The following RNLS variants were observed in gnomAD, a reference collection of about 807,000 sequenced individuals.
The protein encoded by RNLS is renalase, FAD dependent amine oxidase.
A neutral mutation model predicts 39.8 loss-of-function variants in RNLS; 39 were observed. The ratio of observed to expected loss-of-function variants is 0.98; its 90% CI spans 0.76 to 1.28. The LOEUF (loss-of-function observed/expected upper bound fraction) is 1.28. Among genes scored for constraint, RNLS ranks in the 50% most tolerant of loss-of-function variants. The pLI is 0.00. For missense variants in RNLS, 410 were observed against 413.3 expected, an observed-to-expected ratio of 0.99 and a Z score of 0.07; for synonymous variants, 147 against 150.7, an observed-to-expected ratio of 0.98 and a Z score of 0.18.
At chr10:88,380,131 T>C (rs1393503999) in intron 4 of RNLS, among the ~76,000 whole-genome samples, 3 of 152,180 alleles carry the variant, frequency 2.0e-5, no homozygotes, top group African/African-American at 4.8e-5. Context: ...AGGAGGTTGA[T>C]TATCTTTTCA....
intron 5 of RNLS, among the ~76,000 whole-genome samples, chr10:88,334,325 A>C (rs947550037): frequency 3.3e-5 from 5 of 152,140 alleles, no homozygotes; most frequent in Non-Finnish European, 4.4e-5. Flanking sequence ...TTGCATACAA[A>C]TCCAATTTGT....
At chr10:88,180,289 T>A in the RNLS span, among the ~76,000 whole-genome samples, 1 of 152,122 alleles carries the variant, frequency 6.6e-6, no homozygotes, top group Non-Finnish European at 1.5e-5. Context: ...TGTCAGAAAA[T>A]TTCTCAGAGA....
At position 88,285,091 on chromosome 10, in the gene RNLS, AGTACCAC is replaced by A; in HGVS notation, c.*256_*262del. 1 of 1,016,196 alleles carries A rather than the reference AGTACCAC, an allele frequency of 9.8e-7. No homozygotes were observed. Among genetic ancestry groups the A allele is most frequent in the Non-Finnish European group, 1.2e-6 (1 of 849,852 alleles). The allele number at this position is 1,016,196 out of a possible 1,614,324, so 62.9% of individuals were successfully genotyped here. A position where few individuals can be genotyped will look rare whatever the true frequency, so the allele number is the denominator to read the frequency against. ...TGAGAGAGTCGTTTGTTATTTTTTA[AGTACCAC>A]TTTTCCTCCAACAAGGAGTAGTCAT... is the stretch of plus-strand genomic sequence containing the variant. On this transcript the variant is annotated 3_prime_UTR_variant, in exon 7 of 7. Transcript: ENST00000331772.
At chr10:88,393,243 A>G (rs1424545987) in intron 4 of RNLS, among the ~76,000 whole-genome samples, 2 of 152,096 alleles carry the variant, frequency 1.3e-5, no homozygotes. Context: ...GAAAAGAGGA[A>G]GTCAAATTGT....
chr10:88,433,927 T>C (rs563673095), intron 4 of RNLS, among the ~76,000 whole-genome samples: 38 of 152,250 alleles, frequency 2.5e-4, no homozygotes, highest in African/African-American at 8.9e-4. Context: ...TGACAGTCTT[T>C]TGGAAGCAAG....
At chr10:88,284,026 T>G (rs1445081382), downstream of RNLS, 2 of 561,290 alleles carry the variant, frequency 3.6e-6, no homozygotes, top group Non-Finnish European at 4.5e-6. Flanking sequence ...AAATCACTAT[T>G]TTTCATCATT....
chr10:88,176,701 C>A, the RNLS span, among the ~76,000 whole-genome samples: 2 of 151,806 alleles, frequency 1.3e-5, no homozygotes, highest in African/African-American at 4.8e-5. Context: ...GAATTTTGTA[C>A]TTTTGTGTGT....
the RNLS span, among the ~76,000 whole-genome samples, chr10:88,228,512 T>A: frequency 6.6e-6 from 1 of 152,318 alleles, no homozygotes; most frequent in East Asian, 1.9e-4. Context: ...CCATTTTCCG[T>A]GTGCCTGGAA....
chr10:88,581,294 G>GTATGTA, intron 3 of RNLS, among the ~76,000 whole-genome samples: 1 of 129,860 alleles, frequency 7.7e-6, no homozygotes, highest in South Asian at 2.4e-4. Context: ...GTGTGTGTGT[G>GTATGTA]TATATATATA....
At position 88,397,297 on chromosome 10, in the gene RNLS, G is replaced by C. The variant is rs1935585; in HGVS notation, c.527-34572C>G. 1.5e-3 allele frequency among the ~76,000 whole-genome samples: 222 copies of C among 151,984 alleles called. 1 individual carries two copies. Among genetic ancestry groups the C allele is most frequent in the Admixed American group, 8.8e-3 (133 of 15,196 alleles). ...CCCTGGTAGCAATGAAATGATATTA[G>C]AAACCAATAATAGACAGAAACATAG... On this transcript the variant is annotated intron_variant, in intron 4 of 6. Coordinates refer to ENST00000331772, the MANE Select transcript of RNLS (RefSeq NM_001031709.3).
At chr10:88,441,150 G>C (rs1841687084) in intron 4 of RNLS, among the ~76,000 whole-genome samples, 1 of 152,080 alleles carries the variant, frequency 6.6e-6, no homozygotes, top group African/African-American at 2.4e-5. Flanking sequence ...AACAGATCAG[G>C]GGAAAATTCT....
intron 5 of RNLS, among the ~76,000 whole-genome samples, chr10:88,321,061 C>A (rs1424061831): frequency 6.6e-6 from 1 of 151,760 alleles, no homozygotes; most frequent in Non-Finnish European, 1.5e-5. Flanking sequence ...TATAGCAAAT[C>A]TTAATACATT....
intron 5 of RNLS, among the ~76,000 whole-genome samples, chr10:88,325,573 G>A (rs1846540755): frequency 6.6e-6 from 1 of 152,194 alleles, no homozygotes; most frequent in Admixed American, 6.5e-5. Flanking sequence ...TTTGAAGTAA[G>A]CACTGTAGCT....
the RNLS span, among the ~76,000 whole-genome samples, chr10:88,190,134 C>T: frequency 6.6e-6 from 1 of 152,246 alleles, no homozygotes; most frequent in Non-Finnish European, 1.5e-5. Flanking sequence ...CCGCTGAGTT[C>T]TGAGTCTTCC....
intron 4 of RNLS, among the ~76,000 whole-genome samples, chr10:88,439,866 G>C (rs1841614894): frequency 6.6e-6 from 1 of 152,082 alleles, no homozygotes; most frequent in Admixed American, 6.6e-5. Context: ...ATTTCTTGAA[G>C]TCCTATCTAC....
chr10:88,352,370 T>G (rs1313545190), intron 5 of RNLS, among the ~76,000 whole-genome samples: 4 of 152,200 alleles, frequency 2.6e-5, no homozygotes, highest in Admixed American at 6.5e-5. Context: ...TTGAGATACA[T>G]CCCATCAATA....
At chr10:88,491,033 C>T (rs894183148) in intron 4 of RNLS, among the ~76,000 whole-genome samples, 1 of 152,072 alleles carries the variant, frequency 6.6e-6, no homozygotes, top group Non-Finnish European at 1.5e-5. Context: ...TAAGAAAGCA[C>T]ACAGATTGAG....
intron 6 of RNLS, among the ~76,000 whole-genome samples, chr10:88,311,544 A>G (rs1404762179): frequency 2.0e-5 from 3 of 152,238 alleles, no homozygotes; most frequent in Non-Finnish European, 4.4e-5. Flanking sequence ...TGGGATGCAC[A>G]GAAACAGCTC....
In RNLS at chr10:88,442,055, A is replaced by G. The variant is rs149213505; in HGVS notation, c.527-79330T>C. Among the ~76,000 whole-genome samples the G allele has an allele frequency of 3.8e-3, 585 of 152,342 alleles. 3 individuals are homozygous for G. The highest frequency in any genetic ancestry group is 0.013 in the African/African-American group (557 of 41,578). ...CACATAACACGACAGGAGGCTGGGA[A>G]CATTTCTTTGGAATTTGGAAAGATT... On this transcript the variant is annotated intron_variant, in intron 4 of 6. Coordinates refer to ENST00000331772, the MANE Select transcript of RNLS (RefSeq NM_001031709.3).
Sources: allele counts gnomAD v4.1 joint callset (sites outside exome capture counted in the v4.1 genomes callset), GRCh38; gene constraint gnomAD v4.1.1; transcripts MANE v1.5; gene names NCBI Gene and HGNC (gene_info 2026-07-23, HGNC 2026-07-21).